The following ELP2 variants were observed in gnomAD, a reference collection of about 807,000 sequenced individuals.
The protein encoded by ELP2 is elongator acetyltransferase complex subunit 2, also known as elongator complex protein 2.
ELP2 carries 90 observed loss-of-function variants against 119.2 expected under a neutral mutation model. The ratio of observed to expected loss-of-function variants is 0.75; its 90% CI spans 0.64 to 0.90. The LOEUF (loss-of-function observed/expected upper bound fraction) is 0.90. Among genes scored for constraint, ELP2 ranks in the 40% least tolerant of loss-of-function variants. The pLI, the probability that ELP2 is intolerant of heterozygous loss-of-function variation, is 0.00. For synonymous variants in ELP2, 339 were observed against 331.0 expected (o/e 1.02, Z -0.26); for missense variants, 921 against 967.8 (o/e 0.95, Z 0.64).
At chr18:36,148,453 G>A (rs2090284840) in intron 11 of ELP2, among the ~76,000 whole-genome samples, 1 of 152,124 alleles carries the variant, frequency 6.6e-6, no homozygotes, top group African/African-American at 2.4e-5. Context: ...AATTTTGTAG[G>A]TGAAGACTGT....
Position 36,167,212 on chromosome 18 carries a change from G to A in ELP2, c.2066G>A (p.Arg689Gln), listed in dbSNP as rs554853634. 4 of 1,586,922 alleles carry A rather than the reference G, an allele frequency of 2.5e-6. No individual in the cohort carries two copies. The highest frequency in any genetic ancestry group is 2.6e-6 in the Non-Finnish European group (3 of 1,164,902). ...PDSKYFFTGS[R>Q]DKKVVVWGEC... ...AGCAAGTATTTCTTCACTGGGAGTC[G>A]AGACAAAAAGGTAATTATTTAAAAA... The change falls in exon 19 of 22, where the codon CGA (arginine) becomes CAA (glutamine). Residue 689 changes from arginine to glutamine, a missense_variant. Coordinates refer to ENST00000358232, the MANE Select transcript of ELP2 (RefSeq NM_018255.4).
In ELP2 at chr18:36,145,643, T is replaced by C. The variant is rs2090172501; in HGVS notation, c.893-305T>C. ...GCTGTAATTTAAAAAACAAAAAAAA[T>C]TGGAATTATAGATATTACAGCTTGC... On this transcript the variant is annotated intron_variant, in intron 9 of 21. Transcript: ENST00000358232. 2.0e-5 allele frequency among the ~76,000 whole-genome samples: 3 copies of C among 152,152 alleles called. No homozygotes were observed. The South Asian group carries it at 6.2e-4, about 32-fold the overall frequency.
chr18:36,153,803 T>C (rs2090477246), intron 11 of ELP2, among the ~76,000 whole-genome samples: 1 of 152,154 alleles, frequency 6.6e-6, no homozygotes, highest in African/African-American at 2.4e-5. Context: ...AGAGCAGTTT[T>C]AGGTTAACAG....
chr18:36,156,608 A>T lies in ELP2; in HGVS notation c.1418A>T (p.Asn473Ile), dbSNP rs747650297. The T allele has an allele frequency of 6.2e-7, 1 of 1,614,084 alleles. No homozygotes were observed. The highest frequency in any genetic ancestry group is 8.5e-7 in the Non-Finnish European group (1 of 1,179,994). Reference protein sequence around the residue: ...VFSAPRNFVENFCAITGQSLN... With the variant: ...VFSAPRNFVEIFCAITGQSLN... The stretch of plus-strand genomic sequence containing the variant: ...TCTGCACCTCGGAATTTTGTGGAAA[A>T]TTTTTGTGCCATTACAGGACAATCA... The change falls in exon 13 of 22, where the codon AAT becomes ATT. Residue 473 changes from asparagine (N) to isoleucine (I), a missense_variant. Coordinates refer to ENST00000358232, the MANE Select transcript of ELP2 (RefSeq NM_018255.4).
At chr18:36,151,644 A>C (rs2144691715) in intron 11 of ELP2, among the ~76,000 whole-genome samples, 1 of 151,950 alleles carries the variant, frequency 6.6e-6, no homozygotes, top group South Asian at 2.1e-4. Context: ...CCCCATCTCT[A>C]CAAAAAAGAC....
chr18:36,141,092 G>T, intron 5 of ELP2, 45 bp from the exon 6 acceptor site: 2 of 1,472,386 alleles, frequency 1.4e-6, no homozygotes, highest in Non-Finnish European at 1.9e-6. Flanking sequence ...TCATAACGTG[G>T]TGGAATAGAG....
intron 19 of ELP2, among the ~76,000 whole-genome samples, chr18:36,169,669 T>C (rs974433767): frequency 6.6e-6 from 1 of 152,172 alleles, no homozygotes; most frequent in Non-Finnish European, 1.5e-5. Flanking sequence ...ATTACAGGCA[T>C]GAGCCACCGC....
chr18:36,151,467 G>A (rs1434850534), intron 11 of ELP2, among the ~76,000 whole-genome samples: 3 of 152,242 alleles, frequency 2.0e-5, no homozygotes, highest in African/African-American at 4.8e-5. Flanking sequence ...GAGACCAGGC[G>A]GGACTCCCTT....
chr18:36,146,387 A>G lies in ELP2; in HGVS notation c.1125+6A>G, dbSNP rs185963069. ...AACAGAATACAGTTAACCCAGTAAG[A>G]AAAGAGTGTTTAAATAAAGCATTTC... On this transcript the variant is annotated splice_donor_region_variant and intron_variant, in intron 11 of 21. Coordinates refer to ENST00000358232, the MANE Select transcript of ELP2 (RefSeq NM_018255.4). 55 of 1,613,816 alleles carry G rather than the reference A, an allele frequency of 3.4e-5. No homozygotes were observed. The Middle Eastern group carries it at 5.0e-4, about 15-fold the overall frequency.
Position 36,154,934 on chromosome 18 carries a change from A to G in ELP2, c.1210A>G (p.Ile404Val). ...LVWDPEGEFI[I>V]TVGTDQTTRL... is the part of the protein sequence containing the mutation. ...CTGGGATCCAGAAGGAGAATTTATT[A>G]TCACTGTTGGTACTGATCAGACAAC... is the stretch of plus-strand genomic sequence containing the variant. The change falls in exon 12 of 22, where the codon ATC becomes GTC. Residue 404 changes from isoleucine (I) to valine (V), a missense_variant. Ile to Val is a conservative substitution (Grantham distance 29). Transcript: ENST00000358232. 2.5e-6 allele frequency: 4 copies of G among 1,614,062 alleles called. No individual in the cohort carries two copies. The highest frequency in any genetic ancestry group is 2.2e-5 in the South Asian group (2 of 91,084).
At chr18:36,159,871 C>G in intron 15 of ELP2, 41 bp downstream of exon 15, 1 of 1,604,612 alleles carries the variant, frequency 6.2e-7, no homozygotes, top group Non-Finnish European at 8.5e-7. Context: ...CGCTAGAACA[C>G]ACAGTATGTT....
chr18:36,167,086 A>T lies in ELP2; in HGVS notation c.1955-15A>T. The stretch of plus-strand genomic sequence containing the variant: ...TTTCTCTGCTTTGTGAATAGTGTAT[A>T]CATATTTCTTTCAGAGCCAGTTTTT... On this transcript the variant is annotated splice_polypyrimidine_tract_variant and intron_variant, in intron 18 of 21. Coordinates refer to ENST00000358232, the MANE Select transcript of ELP2 (RefSeq NM_018255.4). The T allele has an allele frequency of 6.3e-7, 1 of 1,595,640 alleles. No homozygotes were observed. The highest frequency in any genetic ancestry group is 8.5e-7 in the Non-Finnish European group (1 of 1,171,790).
At chr18:36,136,864 G>A (rs544262859) in intron 3 of ELP2, among the ~76,000 whole-genome samples, 95 of 152,124 alleles carry the variant, frequency 6.2e-4, no homozygotes, top group Non-Finnish European at 9.6e-4. Context: ...TTTGGCATAC[G>A]AATATAGATT....
At chr18:36,151,370 A>G (rs955258484) in intron 11 of ELP2, among the ~76,000 whole-genome samples, 3 of 151,612 alleles carry the variant, frequency 2.0e-5, no homozygotes, top group Non-Finnish European at 4.4e-5. Context: ...GGTGTGAGCC[A>G]CCCTGACCTG....
chr18:36,170,268 C>A, intron 20 of ELP2, 72 bp downstream of exon 20: 3 of 1,537,320 alleles, frequency 2.0e-6, no homozygotes, highest in Non-Finnish European at 2.7e-6. Flanking sequence ...CATGTCATTT[C>A]ATTTGTGAAT....
At position 36,146,331 on chromosome 18, in the gene ELP2, C is replaced by T. The variant is rs769876429; in HGVS notation, c.1075C>T (p.His359Tyr). 6.2e-7 allele frequency: 1 copy of T among 1,613,976 alleles called. No individual in the cohort carries two copies. The highest frequency in any genetic ancestry group is 1.3e-5 in the African/African-American group (1 of 74,918). Residue 359 changes from histidine (H) to tyrosine (Y), a missense_variant, in exon 11 of 22, where the codon CAT becomes TAT. Coordinates refer to ENST00000358232, the MANE Select transcript of ELP2 (RefSeq NM_018255.4). Reference sequence around the variant, plus strand: ...TGAAGATGGCTCCATGATCATTGCTCATGCTTTCCACGGAGCGTTGCACCT... The same window carrying T: ...TGAAGATGGCTCCATGATCATTGCTTATGCTTTCCACGGAGCGTTGCACCT... ...FNEDGSMIIA[H>Y]AFHGALHLWK...
chr18:36,136,233 G>A, intron 2 of ELP2, 74 bp from the exon 3 acceptor site: 1 of 1,103,086 alleles, frequency 9.1e-7, no homozygotes, highest in East Asian at 2.4e-5. Flanking sequence ...ATTGTTTTTT[G>A]GTGTAGCTTG....
intron 17 of ELP2, among the ~76,000 whole-genome samples, chr18:36,162,936 AT>A (rs2090783362): frequency 6.6e-6 from 1 of 151,956 alleles, no homozygotes; most frequent in Non-Finnish European, 1.5e-5. Flanking sequence ...TTTTTTATAG[AT>A]TTAGGGGTAC....
chr18:36,145,876 G>A, intron 9 of ELP2, 72 bp from the exon 10 acceptor site: 1 of 1,290,420 alleles, frequency 7.7e-7, no homozygotes, highest in South Asian at 1.2e-5. Flanking sequence ...CATGTTGTTT[G>A]TTGTTTTTTT....
Sources: allele counts gnomAD v4.1 joint callset (sites outside exome capture counted in the v4.1 genomes callset), GRCh38; gene constraint gnomAD v4.1.1; transcripts MANE v1.5; gene names NCBI Gene and HGNC (gene_info 2026-07-23, HGNC 2026-07-21).